Variants in MMP26 observed in about 807,000 individuals in gnomAD.
MMP26 encodes the protein matrix metalloproteinase-26.
Under a neutral mutation model 31.0 loss-of-function variants are expected in MMP26, and 33 were observed. The ratio of observed to expected loss-of-function variants is 1.06; its 90% CI spans 0.81 to 1.42. MMP26 has a LOEUF of 1.42. Ranked by LOEUF, MMP26 falls within the 40% of genes most tolerant of loss-of-function variation. The pLI, the probability that MMP26 is intolerant of heterozygous loss-of-function variation, is 0.00. For missense variants in MMP26, 347 were observed against 316.1 expected, an observed-to-expected ratio of 1.10 and a Z score of -0.74; for synonymous variants, 122 against 114.9, an observed-to-expected ratio of 1.06 and a Z score of -0.40.
intron 1 of MMP26, among the ~76,000 whole-genome samples, chr11:4,760,214 C>T (rs1050115118): frequency 6.6e-6 from 1 of 152,190 alleles, no homozygotes; most frequent in Non-Finnish European, 1.5e-5. Flanking sequence ...ACTACCAATA[C>T]AATCTCCATA....
At position 4,976,161 on chromosome 11, in the gene MMP26, C is replaced by G. The variant is rs1846733534; in HGVS notation, c.-144-11907C>G. Among the ~76,000 whole-genome samples, 7 of 152,020 alleles carry G rather than the reference C, an allele frequency of 4.6e-5. No homozygotes were observed. The South Asian group carries it at 1.5e-3, about 32-fold the overall frequency. ...TATTCTGTCTTTGGCTCAGAAATGC[C>G]TACTCAACTAAATTGTCTAGTTTAT... On this transcript the variant is annotated intron_variant, in intron 2 of 7. Transcript: ENST00000380390.
chr11:4,751,515 A>C (rs1848446600), intron 1 of MMP26, among the ~76,000 whole-genome samples: 1 of 152,128 alleles, frequency 6.6e-6, no homozygotes, highest in Admixed American at 6.6e-5. Flanking sequence ...TCCACCATGA[A>C]AAAACTGCAT....
chr11:4,878,231 T>G (rs1850410417), intron 2 of MMP26: 1 of 152,216 alleles, frequency 6.6e-6, no homozygotes, highest in Non-Finnish European at 1.5e-5. Context: ...TTTTTATTGT[T>G]GAGTAGTTTT....
chr11:4,907,801 G>T lies in MMP26; in HGVS notation c.-144-80267G>T, dbSNP rs374145457. On this transcript the variant is annotated intron_variant, in intron 2 of 7. Coordinates refer to ENST00000380390, the MANE Select transcript of MMP26 (RefSeq NM_021801.5). Reference sequence around the variant, plus strand: ...TCACTAGCAACAGGGTTGCTAAAATGGGACTTATTTTAGCCATTAGGAGCA... The same window carrying T: ...TCACTAGCAACAGGGTTGCTAAAATTGGACTTATTTTAGCCATTAGGAGCA... 4 of 1,613,676 alleles carry T rather than the reference G, an allele frequency of 2.5e-6. No individual in the cohort carries two copies. In the African/African-American group the frequency reaches 4.0e-5, roughly 16 times the overall value.
intron 1 of MMP26, among the ~76,000 whole-genome samples, chr11:4,714,924 A>T (rs5004633): frequency 0.38 from 37,458 of 98,802 alleles, 5,743 homozygotes; most frequent in African/African-American, 0.55. Context: ...TCTCTCTCAC[A>T]CACACACACA....
Position 4,949,194 on chromosome 11 carries a change from T to A in MMP26, c.-144-38874T>A, listed in dbSNP as rs1353272296. Among the ~76,000 whole-genome samples the A allele has an allele frequency of 5.6e-5, 7 of 124,486 alleles. 2 individuals carry two copies. The South Asian group carries it at 7.2e-4, about 13-fold the overall frequency. The allele number at this position is 124,486 out of a possible 152,430, so 81.7% of individuals were successfully genotyped here. On this transcript the variant is annotated intron_variant, in intron 2 of 7. Coordinates refer to ENST00000380390, the MANE Select transcript of MMP26 (RefSeq NM_021801.5). ...AATGATTGTATTTTTTAAACTGGCA[T>A]CTTTTTTATCTTTATTATTATTTTT...
At chr11:4,758,800 T>C (rs1297420285) in intron 1 of MMP26, among the ~76,000 whole-genome samples, 1 of 152,090 alleles carries the variant, frequency 6.6e-6, no homozygotes, top group African/African-American at 2.4e-5. Flanking sequence ...ATGTGTTTAC[T>C]ATACGACTTT....
At chr11:4,882,015 T>C (rs1426897885) in intron 2 of MMP26, 7 of 1,613,816 alleles carry the variant, frequency 4.3e-6, no homozygotes, top group East Asian at 2.2e-5. Context: ...CTCTACACCA[T>C]TGCCCTCTTG....
chr11:4,710,476 A>G, intron 1 of MMP26: 1 of 446,132 alleles, frequency 2.2e-6, no homozygotes, highest in South Asian at 1.6e-5. Flanking sequence ...TAAATTCGCA[A>G]GGCTGTGCTC....
rs765400845 is a variant in MMP26, at chr11:4,882,145, T to G, written c.-144-105923T>G. 31 of 1,613,872 alleles carry G rather than the reference T, an allele frequency of 1.9e-5. No individual in the cohort carries two copies. The African/African-American group carries it at 4.1e-4, about 22-fold the overall frequency. On this transcript the variant is annotated intron_variant, in intron 2 of 7. Transcript: ENST00000380390. Reference sequence around the variant, plus strand: ...GTCTGACCATTACGACCCTTCCCACTGTGCTTGGTGTTCTCTGGTTTCATG... The same window carrying G: ...GTCTGACCATTACGACCCTTCCCACGGTGCTTGGTGTTCTCTGGTTTCATG...
chr11:4,803,010 A>G (rs907358058), intron 2 of MMP26, among the ~76,000 whole-genome samples: 1 of 152,184 alleles, frequency 6.6e-6, no homozygotes, highest in African/African-American at 2.4e-5. Flanking sequence ...TTTTATAAAC[A>G]TATTCTCAGA....
intron 2 of MMP26, among the ~76,000 whole-genome samples, chr11:4,978,144 C>T (rs1001850825): frequency 3.3e-5 from 5 of 152,166 alleles, no homozygotes; most frequent in Non-Finnish European, 7.4e-5. Context: ...TGCCTTCTGC[C>T]ATTATTGTAA....
At chr11:4,850,026 T>C (rs947247644) in intron 2 of MMP26, among the ~76,000 whole-genome samples, 20 of 152,214 alleles carry the variant, frequency 1.3e-4, no homozygotes, top group African/African-American at 3.6e-4. Flanking sequence ...TTTTGAAATA[T>C]ACAATACATT....
At chr11:4,943,365 C>G (rs1589946493) in intron 2 of MMP26, 1 of 369,946 alleles carries the variant, frequency 2.7e-6, no homozygotes, top group East Asian at 7.6e-5. Context: ...TCACTGGTTT[C>G]CTTTCTGAGG....
In MMP26 at chr11:4,803,297, C is replaced by G. The variant is rs145095741; in HGVS notation, c.-145+35956C>G. On this transcript the variant is annotated intron_variant, in intron 2 of 7. Transcript: ENST00000380390. ...ACCCTGAAAATTGTTTCTCTTGCCTCTAGAGGGTTGCTTACCTCTGAGCCA... is the reference window on the plus strand; with the variant it reads ...ACCCTGAAAATTGTTTCTCTTGCCTGTAGAGGGTTGCTTACCTCTGAGCCA... The G allele has an allele frequency of 1.1e-3, 688 of 624,466 alleles. 4 individuals are homozygous for G. Among genetic ancestry groups the G allele is most frequent in the African/African-American group, 0.011 (587 of 54,478 alleles). The allele number at this position is 624,466 out of a possible 1,614,324, so 38.7% of individuals were successfully genotyped here. A position where few individuals can be genotyped will look rare whatever the true frequency, so the allele number is the denominator to read the frequency against.
intron 2 of MMP26, among the ~76,000 whole-genome samples, chr11:4,954,262 A>G (rs2133613314): frequency 8.1e-6 from 1 of 124,052 alleles, no homozygotes; most frequent in East Asian, 2.3e-4. Context: ...GATTGGACTG[A>G]AAAACTATCT....
intron 2 of MMP26, among the ~76,000 whole-genome samples, chr11:4,826,151 T>C (rs576284775): frequency 2.0e-5 from 3 of 152,166 alleles, no homozygotes; most frequent in South Asian, 2.1e-4. Context: ...TGCCCTCTGA[T>C]AGTTGCAGGA....
intron 2 of MMP26, among the ~76,000 whole-genome samples, chr11:4,936,063 C>T (rs840719): frequency 0.49 from 65,978 of 135,784 alleles, 15,083 homozygotes; most frequent in East Asian, 0.69. Flanking sequence ...CTCTGCCTGG[C>T]TTTGGTATCA....
chr11:4,729,514 T>C (rs1848145014), intron 1 of MMP26, among the ~76,000 whole-genome samples: 1 of 152,002 alleles, frequency 6.6e-6, no homozygotes, highest in South Asian at 2.1e-4. Flanking sequence ...TTAACTAGTT[T>C]CTCCCATGGG....
Sources: allele counts gnomAD v4.1 joint callset (sites outside exome capture counted in the v4.1 genomes callset), GRCh38; gene constraint gnomAD v4.1.1; transcripts MANE v1.5; gene names NCBI Gene and HGNC (gene_info 2026-07-23, HGNC 2026-07-21).